The following RAB4A variants were observed in gnomAD, a reference collection of about 807,000 sequenced individuals.
RAB4A encodes ras-related protein Rab-4A.
RAB4A carries 20 observed loss-of-function variants against 34.5 expected under a neutral mutation model. The observed-to-expected ratio is 0.58, with a 90% CI of 0.41 to 0.84. The LOEUF is 0.84. RAB4A is among the 40% of genes least tolerant of loss of function. The pLI is 0.00. For synonymous variants in RAB4A, 102 were observed against 100.0 expected (o/e 1.02, Z -0.12); for missense variants, 228 against 274.5 (o/e 0.83, Z 1.20).
chr1:229,297,376 C>G, intron 4 of RAB4A, 106 bp from the exon 5 acceptor site: 1 of 1,146,814 alleles, frequency 8.7e-7, no homozygotes, highest in Non-Finnish European at 1.2e-6. Context: ...GTGTTGGTGC[C>G]ATTACCCTGA....
Position 229,283,749 on chromosome 1 carries a change from G to A in RAB4A, c.32-2737G>A, listed in dbSNP as rs563574886. Among the ~76,000 whole-genome samples the A allele has an allele frequency of 1.9e-3, 276 of 148,968 alleles. 1 individual carries two copies. Among genetic ancestry groups the A allele is most frequent in the African/African-American group, 6.6e-3 (264 of 40,110 alleles). On this transcript the variant is annotated intron_variant, in intron 1 of 7. Coordinates refer to ENST00000366690, the MANE Select transcript of RAB4A (RefSeq NM_004578.4). ...AGAGTCTTTTTTTTTTTTTTGAGACGGAGTTTCATTCTTGCTGCCCAGGCT... is the reference window on the plus strand; with the variant it reads ...AGAGTCTTTTTTTTTTTTTTGAGACAGAGTTTCATTCTTGCTGCCCAGGCT...
At position 229,286,480 on chromosome 1, in the gene RAB4A, T is replaced by A. The variant is rs1656927225; in HGVS notation, c.32-6T>A. 1 of 1,542,192 alleles carries A rather than the reference T, an allele frequency of 6.5e-7. No individual in the cohort carries two copies. The highest frequency in any genetic ancestry group is 8.8e-7 in the Non-Finnish European group (1 of 1,131,610). On this transcript the variant is annotated splice_region_variant and splice_polypyrimidine_tract_variant and intron_variant, in intron 1 of 7. Transcript: ENST00000366690. ...GTTATTTTCACAGTCTCTTTTTATC[T>A]TTCAGATTTTTTGTTTAAGTTCTTG... is the stretch of plus-strand genomic sequence containing the variant.
At position 229,288,862 on chromosome 1, in the gene RAB4A, A is replaced by G. The variant is rs1407979424; in HGVS notation, c.227+19A>G. ...GATTCAGGTAGCTTTTCTCTAACTT[A>G]ATAAAAATATTTGAAAATTTGATTT... On this transcript the variant is annotated intron_variant, in intron 3 of 7. Transcript: ENST00000366690. 7.4e-7 allele frequency: 1 copy of G among 1,353,872 alleles called. No homozygotes were observed. Among genetic ancestry groups the G allele is most frequent in the South Asian group, 1.2e-5 (1 of 80,784 alleles). 83.9% of individuals were successfully genotyped at this position (1,353,872 alleles called of 1,614,324 possible). A position where few individuals can be genotyped will look rare whatever the true frequency, so the allele number is the denominator to read the frequency against.
chr1:229,287,443 C>T (rs1037151290), intron 2 of RAB4A, among the ~76,000 whole-genome samples: 5 of 152,190 alleles, frequency 3.3e-5, no homozygotes, highest in Non-Finnish European at 5.9e-5. Flanking sequence ...CTGAATTTAA[C>T]AAGTATTCAT....
At position 229,297,651 on chromosome 1, in the gene RAB4A, ACTT is replaced by A; in HGVS notation, c.445+19_445+21del. 1 of 1,555,166 alleles carries A rather than the reference ACTT, an allele frequency of 6.4e-7. No individual in the cohort carries two copies. Among genetic ancestry groups the A allele is most frequent in the South Asian group, 1.2e-5 (1 of 82,174 alleles). ...TCAAGAAAATGGCAAGTGACCTTTTACTTCTTACTATTTTTCAAATCGCATATT... is the reference window on the plus strand; with the variant it reads ...TCAAGAAAATGGCAAGTGACCTTTTACTTACTATTTTTCAAATCGCATATT... On this transcript the variant is annotated intron_variant, in intron 5 of 7. Transcript: ENST00000366690.
Position 229,288,883 on chromosome 1 carries a change from G to T in RAB4A, c.227+40G>T, listed in dbSNP as rs773168459. On this transcript the variant is annotated intron_variant, in intron 3 of 7. Coordinates refer to ENST00000366690, the MANE Select transcript of RAB4A (RefSeq NM_004578.4). ...ACTTAATAAAAATATTTGAAAATTT[G>T]ATTTAAAATAATTGATGATATTCTC... 5.8e-5 allele frequency: 70 copies of T among 1,209,732 alleles called. 1 individual carries two copies. In the East Asian group the frequency reaches 1.6e-3, roughly 27 times the overall value. 74.9% of individuals were successfully genotyped at this position (1,209,732 alleles called of 1,614,324 possible). A position where few individuals can be genotyped will look rare whatever the true frequency, so the allele number is the denominator to read the frequency against.
chr1:229,285,131 A>G (rs1472343517), intron 1 of RAB4A, among the ~76,000 whole-genome samples: 3 of 152,162 alleles, frequency 2.0e-5, no homozygotes, highest in African/African-American at 7.2e-5. Context: ...CAGTGTCGCA[A>G]GTGGCTGGGA....
chr1:229,303,983 GACA>G lies in RAB4A; in HGVS notation c.*194_*196del, dbSNP rs1657484072. ...CAAATCATATAAATCGAATTAAATG[GACA>G]ACACCGTTAGATGTGTATGTAAAAA... is the stretch of plus-strand genomic sequence containing the variant. On this transcript the variant is annotated 3_prime_UTR_variant, in exon 8 of 8. Transcript: ENST00000366690. 1 of 152,114 alleles carries G rather than the reference GACA, an allele frequency of 6.6e-6. No homozygotes were observed. The highest frequency in any genetic ancestry group is 2.4e-5 in the African/African-American group (1 of 41,406). The allele number at this position is 152,114 out of a possible 1,614,324, so 9.4% of individuals were successfully genotyped here.
intron 1 of RAB4A, among the ~76,000 whole-genome samples, chr1:229,272,997 A>G (rs1368849040): frequency 6.6e-6 from 1 of 152,252 alleles, no homozygotes; most frequent in East Asian, 1.9e-4. Flanking sequence ...GAAATGTTGT[A>G]AGGAAAACAT....
chr1:229,297,434 T>C, intron 4 of RAB4A, 48 bp from the exon 5 acceptor site: 1 of 1,529,864 alleles, frequency 6.5e-7, no homozygotes, highest in Middle Eastern at 1.8e-4. Context: ...AAAGAGTTGC[T>C]AGTTTTATAA....
chr1:229,294,016 T>C (rs1657167896), intron 3 of RAB4A, among the ~76,000 whole-genome samples: 1 of 152,090 alleles, frequency 6.6e-6, no homozygotes, highest in African/African-American at 2.4e-5. Context: ...AGGATTTGTG[T>C]AGTGTAGGAG....
chr1:229,271,177 C>G lies in RAB4A; in HGVS notation c.-163C>G. 1 of 608,762 alleles carries G rather than the reference C, an allele frequency of 1.6e-6. No homozygotes were observed. Among genetic ancestry groups the G allele is most frequent in the Non-Finnish European group, 2.3e-6 (1 of 425,924 alleles). The allele number at this position is 608,762 out of a possible 1,614,324, so 37.7% of individuals were successfully genotyped here. A position where few individuals can be genotyped will look rare whatever the true frequency, so the allele number is the denominator to read the frequency against. On this transcript the variant is annotated 5_prime_UTR_variant, in exon 1 of 8. Transcript: ENST00000366690. ...CCCTGCGCCTGCGCGGAGCTGGAGT[C>G]CGGCTGGGCCGCAGCCGCTGGGAGA...
At chr1:229,287,113 C>T (rs980874358) in intron 2 of RAB4A, among the ~76,000 whole-genome samples, 3 of 152,088 alleles carry the variant, frequency 2.0e-5, no homozygotes, top group African/African-American at 7.2e-5. Context: ...TTGAAAGGCC[C>T]TTAAAACAAA....
chr1:229,272,499 TGA>T (rs750425797), intron 1 of RAB4A, among the ~76,000 whole-genome samples: 42 of 152,080 alleles, frequency 2.8e-4, no homozygotes, highest in Non-Finnish European at 6.0e-4. Context: ...AATCCAATTG[TGA>T]TACTAATGAG....
intron 4 of RAB4A, among the ~76,000 whole-genome samples, chr1:229,296,914 A>C (rs535819396): frequency 6.6e-5 from 10 of 152,350 alleles, no homozygotes; most frequent in Admixed American, 6.5e-4. Context: ...AGTAAGTCTG[A>C]GAGTTGGTCC....
intron 6 of RAB4A, among the ~76,000 whole-genome samples, chr1:229,300,003 G>C (rs1324832393): frequency 6.6e-6 from 1 of 152,154 alleles, no homozygotes; most frequent in Non-Finnish European, 1.5e-5. Context: ...CAGGAGAAAA[G>C]GTTGAAGAAA....
At chr1:229,275,514 A>G (rs1656616975) in intron 1 of RAB4A, among the ~76,000 whole-genome samples, 1 of 152,066 alleles carries the variant, frequency 6.6e-6, no homozygotes, top group Admixed American at 6.6e-5. Flanking sequence ...ACTAAAATAT[A>G]GGCTTTGCTC....
chr1:229,273,631 TG>T (rs1217892584), intron 1 of RAB4A, among the ~76,000 whole-genome samples: 1 of 152,132 alleles, frequency 6.6e-6, no homozygotes, highest in African/African-American at 2.4e-5. Context: ...CCCGGCTACT[TG>T]GGAGGCTGAG....
chr1:229,282,269 T>C (rs904922839), intron 1 of RAB4A, among the ~76,000 whole-genome samples: 3 of 152,232 alleles, frequency 2.0e-5, no homozygotes, highest in East Asian at 1.9e-4. Flanking sequence ...CACTCTCTTA[T>C]GGCCTCCCTG....
Sources: allele counts gnomAD v4.1 joint callset (sites outside exome capture counted in the v4.1 genomes callset), GRCh38; gene constraint gnomAD v4.1.1; transcripts MANE v1.5; gene names NCBI Gene and HGNC (gene_info 2026-07-23, HGNC 2026-07-21).